Variants in MYPN observed in about 807,000 individuals in gnomAD.
MYPN encodes myopalladin.
MYPN carries 63 observed loss-of-function variants against 129.4 expected under a neutral mutation model. That is an observed-to-expected ratio of 0.49 (90% CI 0.40 to 0.60). The LOEUF (loss-of-function observed/expected upper bound fraction) is 0.60, where lower values mean the gene tolerates loss of function less well. MYPN is among the 20% of genes least tolerant of loss of function. The pLI, the probability that MYPN is intolerant of heterozygous loss-of-function variation, is 0.00. For synonymous variants in MYPN, 629 were observed against 600.9 expected (o/e 1.05, Z -0.68); for missense variants, 1,596 against 1,635.4 (o/e 0.98, Z 0.42).
chr10:68,099,640 A>C (rs1269309997), intron 1 of MYPN, among the ~76,000 whole-genome samples: 2 of 110,726 alleles, frequency 1.8e-5, no homozygotes, highest in Admixed American at 1.7e-4. Flanking sequence ...ACTCTGTCTC[A>C]AAAAAAAAAA....
chr10:68,088,210 G>A (rs2041915711), intron 1 of MYPN, among the ~76,000 whole-genome samples: 1 of 151,902 alleles, frequency 6.6e-6, no homozygotes, highest in African/African-American at 2.4e-5. Context: ...GGCTCTCTGG[G>A]GTATGTAGGT....
chr10:68,180,301 T>A (rs2043294818), intron 12 of MYPN, among the ~76,000 whole-genome samples: 1 of 152,198 alleles, frequency 6.6e-6, no homozygotes, highest in Non-Finnish European at 1.5e-5. Flanking sequence ...TTCTCCCACC[T>A]GAGACCTCCA....
intron 2 of MYPN, among the ~76,000 whole-genome samples, chr10:68,134,343 G>A (rs564110690): frequency 1.3e-5 from 2 of 152,122 alleles, no homozygotes; most frequent in Admixed American, 6.5e-5. Flanking sequence ...TAGCAATTTA[G>A]TAATAAGTAC....
At chr10:68,129,810 G>T (rs1159313442) in intron 2 of MYPN, among the ~76,000 whole-genome samples, 8 of 152,122 alleles carry the variant, frequency 5.3e-5, no homozygotes, top group Admixed American at 5.2e-4. Context: ...CTTACTGGTT[G>T]AGCATCCCAA....
At chr10:68,202,671 T>C (rs1342437354) in intron 18 of MYPN, among the ~76,000 whole-genome samples, 1 of 152,114 alleles carries the variant, frequency 6.6e-6, no homozygotes, top group Non-Finnish European at 1.5e-5. Context: ...CTAACCAACT[T>C]AGGGAAATGG....
chr10:68,108,559 T>TATC (rs1234823612), upstream of MYPN, among the ~76,000 whole-genome samples: 1 of 152,222 alleles, frequency 6.6e-6, no homozygotes, highest in East Asian at 1.9e-4. Context: ...TGTTTCATGC[T>TATC]ATCAGAATCT....
chr10:68,105,282 G>C (rs1031449774), upstream of MYPN, among the ~76,000 whole-genome samples: 8 of 152,250 alleles, frequency 5.3e-5, 1 homozygote, highest in Admixed American at 4.6e-4. Context: ...AATTATAACA[G>C]TACCTACTTC....
chr10:68,174,488 T>C lies in MYPN; in HGVS notation c.2396T>C (p.Phe799Ser). ...GAACCAACACCACCACCATTCACATTTTCCATCCCCAGCGGAAACCAGTTT... is the reference window on the plus strand; with the variant it reads ...GAACCAACACCACCACCATTCACATCTTCCATCCCCAGCGGAAACCAGTTT... ...PTEPTPPPFT[F>S]SIPSGNQFQP... Residue 799 changes from phenylalanine to serine, a missense_variant, in exon 11 of 20, where the codon TTT (phenylalanine) becomes TCT (serine). Coordinates refer to ENST00000358913, the MANE Select transcript of MYPN (RefSeq NM_032578.4). 1 of 1,613,964 alleles carries C rather than the reference T, an allele frequency of 6.2e-7. No individual in the cohort carries two copies. The highest frequency in any genetic ancestry group is 8.5e-7 in the Non-Finnish European group (1 of 1,179,948).
chr10:68,198,719 T>A (rs1223702238), intron 16 of MYPN, among the ~76,000 whole-genome samples: 1 of 152,192 alleles, frequency 6.6e-6, no homozygotes, highest in Non-Finnish European at 1.5e-5. Flanking sequence ...TCAAGAGCTC[T>A]GGTTTAATAT....
At chr10:68,105,029 C>A (rs1307722142), upstream of MYPN, among the ~76,000 whole-genome samples, 1 of 152,186 alleles carries the variant, frequency 6.6e-6, no homozygotes, top group Non-Finnish European at 1.5e-5. Context: ...GGTGAGCCAC[C>A]CGCCTCAGCC....
At chr10:68,107,625 A>C (rs2042029110), upstream of MYPN, among the ~76,000 whole-genome samples, 1 of 151,920 alleles carries the variant, frequency 6.6e-6, no homozygotes, top group South Asian at 2.1e-4. Context: ...TGCTAGGATT[A>C]CAGGCGTGAT....
At chr10:68,160,308 G>A (rs1405834839) in intron 7 of MYPN, among the ~76,000 whole-genome samples, 1 of 151,708 alleles carries the variant, frequency 6.6e-6, no homozygotes. Flanking sequence ...GCACGCATCT[G>A]TAGTCCCAGC....
Position 68,121,869 on chromosome 10 carries a change from C to T in MYPN, c.431C>T (p.Thr144Ile). The T allele has an allele frequency of 6.2e-7, 1 of 1,614,158 alleles. No individual in the cohort carries two copies. The highest frequency in any genetic ancestry group is 1.1e-5 in the South Asian group (1 of 91,090). Residue 144 changes from threonine (T) to isoleucine (I), a missense_variant, in exon 2 of 20, where the codon ACC becomes ATC. Coordinates refer to ENST00000358913, the MANE Select transcript of MYPN (RefSeq NM_032578.4). ...AAAAGGCCACAGTATTGTTCTGAAA[C>T]CCAGTCCAAAAAAGTATTTTTAAAT... Reference protein sequence around the residue: ...EAKRPQYCSETQSKKVFLNKA... With the variant: ...EAKRPQYCSEIQSKKVFLNKA...
At position 68,166,298 on chromosome 10, in the gene MYPN, T is replaced by C. The variant is rs1224300334; in HGVS notation, c.1605T>C (p.Asn535=). Reference sequence around the variant, plus strand: ...GTCCTGTGATTGTCCTTTCAGGAAATGAGGACCTCAGCAACAACGGGTCTC... The same window carrying C: ...GTCCTGTGATTGTCCTTTCAGGAAACGAGGACCTCAGCAACAACGGGTCTC... ...SSIAQLHVRG[N]EDLSNNGSLH... The change falls in exon 10 of 20, where the codon AAT becomes AAC. Residue 535 remains asparagine, a synonymous_variant. Coordinates refer to ENST00000358913, the MANE Select transcript of MYPN (RefSeq NM_032578.4). 6.2e-7 allele frequency: 1 copy of C among 1,613,988 alleles called. No individual in the cohort carries two copies. Among genetic ancestry groups the C allele is most frequent in the Non-Finnish European group, 8.5e-7 (1 of 1,180,018 alleles).
chr10:68,108,320 A>G (rs1003223446), upstream of MYPN, among the ~76,000 whole-genome samples: 2 of 152,230 alleles, frequency 1.3e-5, no homozygotes, highest in African/African-American at 4.8e-5. Flanking sequence ...AAGAAATTTT[A>G]TATCTGTTCA....
intron 2 of MYPN, among the ~76,000 whole-genome samples, chr10:68,123,122 C>G (rs980719407): frequency 1.3e-5 from 2 of 152,078 alleles, no homozygotes; most frequent in East Asian, 3.9e-4. Context: ...AGCGTATAAT[C>G]CCAGCACTTT....
At chr10:68,201,497 T>G (rs879754349) in intron 17 of MYPN, among the ~76,000 whole-genome samples, 3 of 152,144 alleles carry the variant, frequency 2.0e-5, no homozygotes, top group Non-Finnish European at 2.9e-5. Context: ...CCAGGCACAG[T>G]GGCTTATGCC....
intron 2 of MYPN, among the ~76,000 whole-genome samples, chr10:68,123,500 C>T (rs1398099163): frequency 6.7e-6 from 1 of 150,014 alleles, no homozygotes; most frequent in Non-Finnish European, 1.5e-5. Context: ...AAAGGTGAAA[C>T]CCGGTCTCTA....
chr10:68,131,160 G>C (rs753526202), intron 2 of MYPN, among the ~76,000 whole-genome samples: 1 of 152,046 alleles, frequency 6.6e-6, no homozygotes. Flanking sequence ...AGGCCAAGGC[G>C]GGCAGATCAC....
Sources: allele counts gnomAD v4.1 joint callset (sites outside exome capture counted in the v4.1 genomes callset), GRCh38; gene constraint gnomAD v4.1.1; transcripts MANE v1.5; gene names NCBI Gene and HGNC (gene_info 2026-07-23, HGNC 2026-07-21).